The following MRPL28 variants were observed in gnomAD, a reference collection of about 807,000 sequenced individuals.
MRPL28 encodes large ribosomal subunit protein bL28m.
MRPL28 carries 25 observed loss-of-function variants against 26.2 expected under a neutral mutation model. That is an observed-to-expected ratio of 0.95 (90% CI 0.69 to 1.33). MRPL28 has a LOEUF of 1.33. Ranked by LOEUF, MRPL28 falls within the 40% of genes most tolerant of loss-of-function variation. The pLI is 0.00. For missense variants in MRPL28, 432 were observed against 327.2 expected (o/e 1.32, Z -2.47); for synonymous variants, 227 against 140.1 (o/e 1.62, Z -4.38).
rs1359527258 is a variant in MRPL28 at position 367,388 on chromosome 16, C to T, written c.*287G>A. ...CACCAGTCCTCAAAGCAAAGATACA[C>T]ACACACAGCCTGGCCCAGACTTTAC... On this transcript the variant is annotated 3_prime_UTR_variant, in exon 6 of 6. Transcript: ENST00000199706. 3 of 689,950 alleles carry T rather than the reference C, an allele frequency of 4.3e-6. No homozygotes were observed. Among genetic ancestry groups the T allele is most frequent in the African/African-American group, 1.8e-5 (1 of 56,482 alleles). The allele number at this position is 689,950 out of a possible 1,614,324, so 42.7% of individuals were successfully genotyped here. A position where few individuals can be genotyped will look rare whatever the true frequency, so the allele number is the denominator to read the frequency against.
rs538492413 is a variant in MRPL28, at chr16:370,005, G to T, written c.214C>A (p.Pro72Thr). The change falls in exon 2 of 6, where the codon CCC (proline) becomes ACC (threonine). Residue 72 changes from proline (P) to threonine (T), a missense_variant. By Grantham distance (38) the Pro-to-Thr change is conservative. Transcript: ENST00000199706. ...VEDVPIPIYF[P>T]PESQRGLWGG... ...CACAACCCCCGCTGGGATTCGGGGG[G>T]AAAGTAGATGGGAATGGGCACGTCC... 6.2e-7 allele frequency: 1 copy of T among 1,613,178 alleles called. No homozygotes were observed.
chr16:369,227 G>A lies in MRPL28; in HGVS notation c.289-7C>T, dbSNP rs745925669. The A allele has an allele frequency of 6.2e-7, 1 of 1,613,482 alleles. No individual in the cohort carries two copies. Among genetic ancestry groups the A allele is most frequent in the African/African-American group, 1.3e-5 (1 of 74,896 alleles). ...TCTTCAGCCTCTTGGAGAGCTGAGG[G>A]TGCAACAGAGCCTCCATGAGTACTG... On this transcript the variant is annotated splice_region_variant and splice_polypyrimidine_tract_variant and intron_variant, in intron 2 of 5. Transcript: ENST00000199706.
rs934723278 is a variant in MRPL28 at position 367,273 on chromosome 16, C to T, written c.*402G>A. 29 of 574,132 alleles carry T rather than the reference C, an allele frequency of 5.1e-5. No individual in the cohort carries two copies. Among genetic ancestry groups the T allele is most frequent in the South Asian group, 1.4e-4 (6 of 41,688 alleles). The allele number at this position is 574,132 out of a possible 1,614,324, so 35.6% of individuals were successfully genotyped here. A position where few individuals can be genotyped will look rare whatever the true frequency, so the allele number is the denominator to read the frequency against. ...TCGCTCTCTGCAGCTCACCGGGGGA[C>T]GGGCACAGCCAGAGTCAATGCCCAC... On this transcript the variant is annotated 3_prime_UTR_variant, in exon 6 of 6. Transcript: ENST00000199706.
intron 2 of MRPL28, 55 bp downstream of exon 2, chr16:369,876 G>T: frequency 2.6e-6 from 4 of 1,563,712 alleles, no homozygotes; most frequent in Non-Finnish European, 3.5e-6. Flanking sequence ...GTCCGGCACA[G>T]AGCCGGCACA....
chr16:368,485 G>C lies in MRPL28; in HGVS notation c.576+16C>G, dbSNP rs1330139228. 6.2e-7 allele frequency: 1 copy of C among 1,609,330 alleles called. No homozygotes were observed. The highest frequency in any genetic ancestry group is 1.7e-5 in the Admixed American group (1 of 59,752). ...CACGAGTCCCCAGGTGTAGGGAGCG[G>C]GACGGAAACCCTCACCTTGTACTTG... On this transcript the variant is annotated intron_variant, in intron 4 of 5. Transcript: ENST00000199706.
rs759677830 is a variant in MRPL28, at chr16:367,732, C to T, written c.714G>A (p.Leu238=). The change falls in exon 6 of 6, where the codon CTG becomes CTA. Residue 238 remains leucine (L), a synonymous_variant. Coordinates refer to ENST00000199706, the MANE Select transcript of MRPL28 (RefSeq NM_006428.5). ...KIYVAELIQQ[L]QQQALSEPAV... ...CCGGCTCTGACAGTGCCTGCTGCTG[C>T]AGCTGCTGGATCAGCTCCGCCACAT... 1.9e-6 allele frequency: 3 copies of T among 1,613,908 alleles called. No homozygotes were observed. The highest frequency in any genetic ancestry group is 2.2e-5 in the South Asian group (2 of 91,088).
At position 369,065 on chromosome 16, in the gene MRPL28, T is replaced by C; in HGVS notation, c.441+3A>G. 2 of 1,613,124 alleles carry C rather than the reference T, an allele frequency of 1.2e-6. No individual in the cohort carries two copies. The highest frequency in any genetic ancestry group is 1.7e-5 in the Admixed American group (1 of 59,984). ...GTGCACTGACTCGCCCCACCCCGCT[T>C]GCCTTGAGGATGTAAAAGTCGAGCC... On this transcript the variant is annotated splice_donor_region_variant and intron_variant, in intron 3 of 5. Coordinates refer to ENST00000199706, the MANE Select transcript of MRPL28 (RefSeq NM_006428.5).
rs760642342 is a variant in MRPL28 at position 370,233 on chromosome 16, G to A, written c.-7-8C>T. The A allele has an allele frequency of 2.6e-6, 4 of 1,557,896 alleles. No homozygotes were observed. Among genetic ancestry groups the A allele is most frequent in the Non-Finnish European group, 1.7e-6 (2 of 1,156,528 alleles). ...TGTAGAGGCATCGCGAGCCTGGCGGGAGGTGGGGGCTCGCAGTCAGTCGCA... is the reference window on the plus strand; with the variant it reads ...TGTAGAGGCATCGCGAGCCTGGCGGAAGGTGGGGGCTCGCAGTCAGTCGCA... On this transcript the variant is annotated splice_region_variant and splice_polypyrimidine_tract_variant and intron_variant, in intron 1 of 5. Transcript: ENST00000199706.
At chr16:369,740 C>T (rs1265944810) in intron 2 of MRPL28, 191 bp downstream of exon 2, 3 of 829,298 alleles carry the variant, frequency 3.6e-6, no homozygotes, top group South Asian at 1.6e-5. Flanking sequence ...CCCACCTCAC[C>T]CCTACTTTAT....
At position 370,365 on chromosome 16, in the gene MRPL28, C is replaced by T. The variant is rs2054315510; in HGVS notation, c.-8+134G>A. The T allele has an allele frequency of 3.0e-6, 4 of 1,339,816 alleles. No individual in the cohort carries two copies. In the East Asian group the frequency reaches 1.1e-4, roughly 36 times the overall value. The allele number at this position is 1,339,816 out of a possible 1,614,324, so 83.0% of individuals were successfully genotyped here. On this transcript the variant is annotated intron_variant, in intron 1 of 5. Coordinates refer to ENST00000199706, the MANE Select transcript of MRPL28 (RefSeq NM_006428.5). ...TACCCCGGCCCCCGGCTCTCACCCG[C>T]TACCCCGGCCCCCGGCTCTCACCCG... is the stretch of plus-strand genomic sequence containing the variant.
rs764864783 is a variant in MRPL28, at chr16:370,144, G to C, written c.75C>G (p.Pro25=). ...QLREGICSRL[P]GHYLRSLEEE... is the part of the protein sequence containing the mutation. ...CCTCCAGGGAGCGCAGGTAGTGGCC[G>C]GGCAGGCGGGAACAGATGCCCTCCC... The change falls in exon 2 of 6, where the codon CCC becomes CCG. Residue 25 remains proline (P), a synonymous_variant. Coordinates refer to ENST00000199706, the MANE Select transcript of MRPL28 (RefSeq NM_006428.5). The C allele has an allele frequency of 1.4e-5, 22 of 1,602,766 alleles. No homozygotes were observed. Among genetic ancestry groups the C allele is most frequent in the Middle Eastern group, 1.7e-4 (1 of 6,042 alleles).
In MRPL28 at chr16:370,468, G is replaced by GC. The variant is rs1161775333; in HGVS notation, c.-8+30dup. ...CCTGCCCCTCCCCTTCTGCCCCGGC[G>GC]CCCCCCCACACCCCACCTGCCCGCG... On this transcript the variant is annotated intron_variant, in intron 1 of 5. Transcript: ENST00000199706. 1.7e-5 allele frequency: 12 copies of GC among 696,242 alleles called. No homozygotes were observed. The African/African-American group carries it at 5.1e-4, about 29-fold the overall frequency. 43.1% of individuals were successfully genotyped at this position (696,242 alleles called of 1,614,324 possible). A position where few individuals can be genotyped will look rare whatever the true frequency, so the allele number is the denominator to read the frequency against.
chr16:369,007 C>T, intron 3 of MRPL28, 61 bp downstream of exon 3: 1 of 1,573,252 alleles, frequency 6.4e-7, no homozygotes, highest in East Asian at 2.3e-5. Context: ...CCTGGGGCTC[C>T]CGTGAGTCTG....
intron 3 of MRPL28, 146 bp from the exon 4 acceptor site, chr16:368,781 T>A: frequency 7.8e-7 from 1 of 1,281,892 alleles, no homozygotes; most frequent in Non-Finnish European, 1.1e-6. Flanking sequence ...CACCCCAGCC[T>A]GGGGGGTGGG....
At position 368,381 on chromosome 16, in the gene MRPL28, C is replaced by T. The variant is rs181590179; in HGVS notation, c.610G>A (p.Val204Met). 374 of 1,613,848 alleles carry T rather than the reference C, an allele frequency of 2.3e-4. 2 individuals carry two copies. The Admixed American group carries it at 6.0e-3, about 26-fold the overall frequency. Residue 204 changes from valine to methionine, a missense_variant, in exon 5 of 6, where the codon GTG (valine) becomes ATG (methionine). Physicochemically the swap from Val to Met is conservative, Grantham distance 21. Transcript: ENST00000199706. ...ATGGCCTCCTCCAGCGTGAGGCCCA[C>T]CCACTCTGCCTCCTCCTCTGGGATG... ...FAIPEEEAEW[V>M]GLTLEEAIEK...
chr16:368,937 A>C lies in MRPL28; in HGVS notation c.441+131T>G, dbSNP rs2054288354. ...GCTGGCCAGAAAGGGGCATGGCCCCACTCACGCTTTCCCAGTGACCCTCCT... is the reference window on the plus strand; with the variant it reads ...GCTGGCCAGAAAGGGGCATGGCCCCCCTCACGCTTTCCCAGTGACCCTCCT... On this transcript the variant is annotated intron_variant, in intron 3 of 5. Transcript: ENST00000199706. The C allele has an allele frequency of 5.0e-6, 6 of 1,210,424 alleles. No individual in the cohort carries two copies. In the South Asian group the frequency reaches 9.2e-5, roughly 18 times the overall value. The allele number at this position is 1,210,424 out of a possible 1,614,324, so 75.0% of individuals were successfully genotyped here.
At chr16:369,520 C>A in intron 2 of MRPL28, 1 of 615,466 alleles carries the variant, frequency 1.6e-6, no homozygotes, top group Admixed American at 2.3e-5. Flanking sequence ...CAGGTTGTCA[C>A]ATTCCAACCT....
Position 370,161 on chromosome 16 carries a change from T to C in MRPL28, c.58A>G (p.Ile20Val), listed in dbSNP as rs780008783. The change falls in exon 2 of 6, where the codon ATC (isoleucine) becomes GTC (valine). Residue 20 changes from isoleucine to valine, a missense_variant. By Grantham distance (29) the Ile-to-Val change is conservative. Transcript: ENST00000199706. ...TAGTGGCCGGGCAGGCGGGAACAGATGCCCTCCCGCAGCTGCAGCCGCTTC... is the reference window on the plus strand; with the variant it reads ...TAGTGGCCGGGCAGGCGGGAACAGACGCCCTCCCGCAGCTGCAGCCGCTTC... ...LWKRLQLREG[I>V]CSRLPGHYLR... 6.2e-7 allele frequency: 1 copy of C among 1,600,648 alleles called. No individual in the cohort carries two copies. Among genetic ancestry groups the C allele is most frequent in the Non-Finnish European group, 8.5e-7 (1 of 1,176,062 alleles).
At chr16:368,778 G>C in intron 3 of MRPL28, 143 bp from the exon 4 acceptor site, 1 of 1,304,976 alleles carries the variant, frequency 7.7e-7, no homozygotes, top group East Asian at 2.4e-5. Context: ...CAGCACCCCA[G>C]CCTGGGGGGT....
Sources: gnomAD v4.1 joint callset for allele counts on GRCh38, gnomAD v4.1.1 for gene constraint, MANE v1.5 for transcripts, NCBI Gene and HGNC (gene_info 2026-07-23, HGNC 2026-07-21) for gene names.